TTC39A: variants seen among roughly 807,000 people sequenced by gnomAD.
TTC39A encodes the protein tetratricopeptide repeat domain 39A.
In TTC39A, 46 loss-of-function variants were observed where a neutral mutation model predicts 82.3. The observed-to-expected ratio is 0.56, with a 90% CI of 0.44 to 0.71. The LOEUF (loss-of-function observed/expected upper bound fraction) is 0.71. Among genes scored for constraint, TTC39A ranks in the 30% least tolerant of loss-of-function variants. The pLI is 0.00. For synonymous variants in TTC39A, 254 were observed against 275.2 expected, an observed-to-expected ratio of 0.92 and a Z score of 0.76; for missense variants, 543 against 712.9, an observed-to-expected ratio of 0.76 and a Z score of 2.71.
intron 1 of TTC39A, among the ~76,000 whole-genome samples, chr1:51,341,968 A>C (rs1646042988): frequency 6.6e-6 from 1 of 152,210 alleles, no homozygotes; most frequent in African/African-American, 2.4e-5. Flanking sequence ...CAGTCCTAGC[A>C]GGCCTCCAGC....
In TTC39A at chr1:51,288,244, T is replaced by C. The variant is rs377682128; in HGVS notation, c.1647A>G (p.Thr549=). ...NYKNYSMESR[T]HFRIQAATLQ... The stretch of plus-strand genomic sequence containing the variant: ...GTGTGGCTGCCTGGATTCGAAAGTG[T>C]GTCCTTGACTCCATGGAGTAATTCT... The change falls in exon 18 of 18, where the codon ACA becomes ACG. Residue 549 remains threonine, a synonymous_variant. Coordinates refer to ENST00000680483, the MANE Select transcript of TTC39A (RefSeq NM_001297663.2). The surrounding 1 kb of genome is among the most constrained non-coding windows in gnomAD (Gnocchi z 4.8). 6.2e-7 allele frequency: 1 copy of C among 1,614,014 alleles called. No individual in the cohort carries two copies. The highest frequency in any genetic ancestry group is 8.5e-7 in the Non-Finnish European group (1 of 1,179,878).
chr1:51,341,177 G>A (rs904647391), intron 1 of TTC39A, among the ~76,000 whole-genome samples: 8 of 136,124 alleles, frequency 5.9e-5, no homozygotes, highest in Non-Finnish European at 1.2e-4. Flanking sequence ...AAAATAAACC[G>A]CCCCCCCACC....
chr1:51,302,440 C>T (rs769740848), intron 10 of TTC39A, 24 bp from the exon 11 acceptor site: 8 of 1,606,150 alleles, frequency 5.0e-6, no homozygotes, highest in African/African-American at 2.7e-5. Context: ...CATGTAAGTC[C>T]GTGTGGGTCC....
intron 1 of TTC39A, chr1:51,329,813 G>C (rs1645838943): frequency 1.3e-5 from 2 of 152,416 alleles, no homozygotes; most frequent in Non-Finnish European, 2.9e-5. Context: ...GATCTAGGTA[G>C]GGGTCCTATA....
intron 12 of TTC39A, chr1:51,300,723 T>G (rs1485696954): frequency 6.6e-6 from 1 of 152,234 alleles, no homozygotes; most frequent in Non-Finnish European, 1.5e-5. Context: ...CTGTTTGGCT[T>G]TGTTTTGCCT....
At chr1:51,343,414 C>A (rs529916435) in intron 1 of TTC39A, among the ~76,000 whole-genome samples, 1 of 152,340 alleles carries the variant, frequency 6.6e-6, no homozygotes, top group Admixed American at 6.5e-5. Flanking sequence ...TTCTGGCCAG[C>A]CTGCTTCCTG....
intron 1 of TTC39A, among the ~76,000 whole-genome samples, chr1:51,326,973 C>T (rs1645734147): frequency 6.6e-6 from 1 of 152,202 alleles, no homozygotes; most frequent in Non-Finnish European, 1.5e-5. Context: ...GGTGGCGGCT[C>T]TCTCATTCAG....
intron 1 of TTC39A, among the ~76,000 whole-genome samples, chr1:51,325,412 G>A (rs902330984): frequency 1.3e-5 from 2 of 152,194 alleles, no homozygotes; most frequent in African/African-American, 2.4e-5. Flanking sequence ...GATGGTGTCT[G>A]TCTCTGCCCA....
At chr1:51,344,071 C>T (rs560459728) in intron 1 of TTC39A, among the ~76,000 whole-genome samples, 6 of 152,162 alleles carry the variant, frequency 3.9e-5, no homozygotes, top group South Asian at 2.1e-4. Flanking sequence ...GACTTGTAGA[C>T]GGGGGTGGGA....
upstream of TTC39A, among the ~76,000 whole-genome samples, chr1:51,332,659 GTGC>G (rs1377859553): frequency 6.6e-6 from 1 of 152,232 alleles, no homozygotes; most frequent in Non-Finnish European, 1.5e-5. Flanking sequence ...TGATGCTCAC[GTGC>G]TGCTGAGTTA....
intron 1 of TTC39A, chr1:51,322,209 A>T (rs576982534): frequency 6.6e-7 from 1 of 1,525,204 alleles, no homozygotes; most frequent in Admixed American, 2.2e-5. Context: ...ACTAAATCCC[A>T]CAGCCCCTTT....
At chr1:51,299,341 T>G (rs1438498685) in intron 12 of TTC39A, 2 of 152,224 alleles carry the variant, frequency 1.3e-5, no homozygotes, top group Non-Finnish European at 2.9e-5. Flanking sequence ...CAGGCAAGCC[T>G]GTGTCTGCAT....
intron 2 of TTC39A, among the ~76,000 whole-genome samples, chr1:51,318,886 C>A (rs1170236702): frequency 6.6e-6 from 1 of 152,106 alleles, no homozygotes; most frequent in Non-Finnish European, 1.5e-5. Context: ...TCCCAGCTGG[C>A]CTTCGCATGA....
At chr1:51,301,996 A>G in intron 11 of TTC39A, 1 of 666,376 alleles carries the variant, frequency 1.5e-6, no homozygotes, top group Non-Finnish European at 2.7e-6. Context: ...AAAGAGCAGG[A>G]GAGAGCTATA....
intron 1 of TTC39A, among the ~76,000 whole-genome samples, chr1:51,326,711 G>A (rs1210190522): frequency 1.3e-5 from 2 of 152,214 alleles, no homozygotes; most frequent in Non-Finnish European, 2.9e-5. Flanking sequence ...AATGCATTCT[G>A]TGGAAGCAAC....
chr1:51,322,061 G>T, intron 1 of TTC39A: 1 of 1,537,984 alleles, frequency 6.5e-7, no homozygotes. Context: ...ATCTGTTGGA[G>T]GTGGGGGAGG....
intron 12 of TTC39A, chr1:51,299,367 C>T (rs1181576945): frequency 1.3e-5 from 2 of 152,274 alleles, no homozygotes; most frequent in Admixed American, 1.3e-4. Context: ...GTTCATCCGT[C>T]GCTCAGCCAG....
upstream of TTC39A, chr1:51,331,958 G>A: frequency 2.8e-6 from 1 of 362,702 alleles, no homozygotes; most frequent in Non-Finnish European, 3.8e-6. Flanking sequence ...AAGTGGGAAA[G>A]GGTGAGGCTG....
At chr1:51,306,910 A>G (rs999081739) in intron 6 of TTC39A, among the ~76,000 whole-genome samples, 1 of 132,402 alleles carries the variant, frequency 7.6e-6, no homozygotes, top group African/African-American at 2.9e-5. Context: ...GGCTCCAAGG[A>G]GAAGAGTCCT....
Sources: gnomAD v4.1 joint callset for allele counts (sites outside exome capture counted in the v4.1 genomes callset) on GRCh38, gnomAD v4.1.1 for gene constraint, Gnocchi (gnomAD v3.1) non-coding constraint, MANE v1.5 for transcripts, NCBI Gene and HGNC (gene_info 2026-07-23, HGNC 2026-07-21) for gene names.